Variants in FBLN7 observed in about 807,000 individuals in gnomAD.
The protein encoded by FBLN7 is fibulin 7, also known as fibulin-7.
Under a neutral mutation model 44.0 loss-of-function variants are expected in FBLN7, and 31 were observed. That is an observed-to-expected ratio of 0.70 (90% CI 0.53 to 0.95). The LOEUF is 0.95. Ranked by LOEUF, FBLN7 falls within the 40% of genes least tolerant of loss-of-function variation. The pLI is 0.00. For missense variants in FBLN7, 573 were observed against 618.5 expected (o/e 0.93, Z 0.78); for synonymous variants, 262 against 253.4 (o/e 1.03, Z -0.32).
chr2:112,164,899 G>T, intron 2 of FBLN7, 102 bp from the exon 3 acceptor site: 1 of 1,296,170 alleles, frequency 7.7e-7, no homozygotes, highest in Admixed American at 2.1e-5. Context: ...CAGCAGGCAT[G>T]CAACAGAGGG....
chr2:112,139,120 GGCCA>G (rs1472394935), intron 1 of FBLN7, among the ~76,000 whole-genome samples: 65 of 69,110 alleles, frequency 9.4e-4, no homozygotes, highest in African/African-American at 1.1e-3. Context: ...CCTCTCTCCA[GGCCA>G]GCCAGTGTCC....
rs758874302 is a variant in FBLN7 at position 112,181,956 on chromosome 2, T to C, written c.670+80T>C. The C allele has an allele frequency of 1.2e-5, 17 of 1,455,620 alleles. 1 individual carries two copies. The East Asian group carries it at 4.5e-4, about 39-fold the overall frequency. 90.2% of individuals were successfully genotyped at this position (1,455,620 alleles called of 1,614,324 possible). Reference sequence around the variant, plus strand: ...GGGAAGGGGCTCTCACCCACCGCCCTCCTGCCGGCACGGGTGGCTTCCTGC... The same window carrying C: ...GGGAAGGGGCTCTCACCCACCGCCCCCCTGCCGGCACGGGTGGCTTCCTGC... On this transcript the variant is annotated intron_variant, in intron 5 of 7. Transcript: ENST00000331203.
At chr2:112,222,831 A>T in the FBLN7 span, among the ~76,000 whole-genome samples, 86 of 152,378 alleles carry the variant, frequency 5.6e-4, no homozygotes, top group African/African-American at 2.0e-3. Context: ...GATTAAAAAC[A>T]TGAGCTCTGG....
At chr2:112,156,416 G>A (rs1022765261) in intron 1 of FBLN7, among the ~76,000 whole-genome samples, 5 of 152,178 alleles carry the variant, frequency 3.3e-5, no homozygotes, top group South Asian at 2.1e-4. Context: ...GGTTGCTGCC[G>A]GCCAGTAGCT....
intron 1 of FBLN7, among the ~76,000 whole-genome samples, chr2:112,150,286 C>T (rs1381795828): frequency 6.6e-6 from 1 of 152,024 alleles, no homozygotes; most frequent in Non-Finnish European, 1.5e-5. Context: ...CTCAACTGCC[C>T]CTGGGGAGCT....
chr2:112,166,528 T>C (rs1247932784), intron 3 of FBLN7, among the ~76,000 whole-genome samples: 2 of 152,178 alleles, frequency 1.3e-5, no homozygotes, highest in Non-Finnish European at 2.9e-5. Context: ...CAAAGGTTGA[T>C]GACTGGCTCT....
At chr2:112,168,708 C>T (rs1682293822) in intron 3 of FBLN7, among the ~76,000 whole-genome samples, 1 of 152,206 alleles carries the variant, frequency 6.6e-6, no homozygotes, top group East Asian at 1.9e-4. Flanking sequence ...AACCTAGAAA[C>T]TTACCAGCAA....
At chr2:112,238,606 T>C in the FBLN7 span, 1 of 1,261,234 alleles carries the variant, frequency 7.9e-7, no homozygotes, top group Non-Finnish European at 1.1e-6. Flanking sequence ...GAAACAAGAT[T>C]GGCTATAAAC....
chr2:112,193,130 C>T (rs1378660462), downstream of FBLN7, among the ~76,000 whole-genome samples: 3 of 152,252 alleles, frequency 2.0e-5, 1 homozygote, highest in Non-Finnish European at 1.5e-5. Context: ...TCCATGGATG[C>T]TCAAGTCCCT....
the FBLN7 span, among the ~76,000 whole-genome samples, chr2:112,208,681 CTTTT>C: frequency 6.6e-6 from 1 of 152,130 alleles, no homozygotes; most frequent in Non-Finnish European, 1.5e-5. Context: ...TACTCTCTCT[CTTTT>C]TATCTCCACT....
the FBLN7 span, among the ~76,000 whole-genome samples, chr2:112,218,876 T>C: frequency 1.3e-5 from 2 of 152,202 alleles, no homozygotes; most frequent in Admixed American, 1.3e-4. Flanking sequence ...GGGCCAAATG[T>C]ACTTAGGAAT....
At chr2:112,193,619 C>T in the FBLN7 span, among the ~76,000 whole-genome samples, 1 of 152,040 alleles carries the variant, frequency 6.6e-6, no homozygotes, top group African/African-American at 2.4e-5. Flanking sequence ...TTTTGATATG[C>T]AGTTGGTTGA....
intron 2 of FBLN7, among the ~76,000 whole-genome samples, 166 bp downstream of exon 2, chr2:112,160,001 A>AT (rs1177652600): frequency 3.4e-5 from 5 of 146,496 alleles, no homozygotes; most frequent in African/African-American, 7.6e-5. Flanking sequence ...TTATTTATTT[A>AT]TTTTTTTGAG....
At chr2:112,211,270 T>A in the FBLN7 span, among the ~76,000 whole-genome samples, 2 of 152,204 alleles carry the variant, frequency 1.3e-5, no homozygotes, top group Non-Finnish European at 2.9e-5. Flanking sequence ...CTTAATTGCA[T>A]CAAATGTCAA....
At chr2:112,205,201 A>T in the FBLN7 span, among the ~76,000 whole-genome samples, 1 of 152,106 alleles carries the variant, frequency 6.6e-6, no homozygotes, top group Non-Finnish European at 1.5e-5. Flanking sequence ...AGTAAAATAA[A>T]TATCAAAGGA....
At chr2:112,175,939 C>T (rs1299369988) in intron 4 of FBLN7, 100 bp downstream of exon 4, 2 of 1,429,236 alleles carry the variant, frequency 1.4e-6, no homozygotes, top group East Asian at 4.7e-5. Context: ...GAGCTCAGTC[C>T]CCCACTCAAA....
chr2:112,236,974 T>C, the FBLN7 span, among the ~76,000 whole-genome samples: 2 of 152,152 alleles, frequency 1.3e-5, no homozygotes, highest in African/African-American at 2.4e-5. Flanking sequence ...GGCAGGAGGA[T>C]TGCTTGAGCC....
chr2:112,140,535 ACCCGGGCTGGGCTGCGAAAGCGTCGGT>A (rs1488018771), intron 1 of FBLN7, among the ~76,000 whole-genome samples: 1 of 152,044 alleles, frequency 6.6e-6, no homozygotes, highest in Non-Finnish European at 1.5e-5. Flanking sequence ...CCCTGGGAGG[ACCCGGGCTGGGCTGCGAAAGCGTCGGT>A]CCATTGTGGG....
chr2:112,185,196 C>T lies in FBLN7; in HGVS notation c.809-5C>T, dbSNP rs1280883810. Reference sequence around the variant, plus strand: ...TTCTCACCTGTTGTATGTCCTGTATCTCAGATGTGGATGAATGTGTGGGCC... The same window carrying T: ...TTCTCACCTGTTGTATGTCCTGTATTTCAGATGTGGATGAATGTGTGGGCC... On this transcript the variant is annotated splice_region_variant and splice_polypyrimidine_tract_variant and intron_variant, in intron 6 of 7. Coordinates refer to ENST00000331203, the MANE Select transcript of FBLN7 (RefSeq NM_153214.3). The T allele has an allele frequency of 1.2e-6, 2 of 1,612,762 alleles. No homozygotes were observed. Among genetic ancestry groups the T allele is most frequent in the Non-Finnish European group, 1.7e-6 (2 of 1,178,944 alleles).
Sources: allele counts gnomAD v4.1 joint callset (sites outside exome capture counted in the v4.1 genomes callset), GRCh38; gene constraint gnomAD v4.1.1; transcripts MANE v1.5; gene names NCBI Gene and HGNC (gene_info 2026-07-23, HGNC 2026-07-21).